FAM227B: variants seen among roughly 807,000 people sequenced by gnomAD.
FAM227B encodes family with sequence similarity 227 member B.
A neutral mutation model predicts 73.8 loss-of-function variants in FAM227B; 88 were observed. That is an observed-to-expected ratio of 1.19 (90% CI 1.00 to 1.42). The LOEUF (loss-of-function observed/expected upper bound fraction) is 1.42. Ranked by LOEUF, FAM227B falls within the 40% of genes most tolerant of loss-of-function variation. The pLI is 0.00. For synonymous variants in FAM227B, 210 were observed against 190.5 expected (o/e 1.10, Z -0.84); for missense variants, 632 against 590.9 (o/e 1.07, Z -0.72).
At chr15:49,613,988 A>G (rs2078125167) in intron 2 of FAM227B, among the ~76,000 whole-genome samples, 1 of 152,242 alleles carries the variant, frequency 6.6e-6, no homozygotes, top group African/African-American at 2.4e-5. Context: ...CAATTTGGCT[A>G]GAAGGAACTC....
chr15:49,549,879 C>T (rs2041272732), intron 9 of FAM227B, among the ~76,000 whole-genome samples: 1 of 151,938 alleles, frequency 6.6e-6, no homozygotes, highest in South Asian at 2.1e-4. Flanking sequence ...GGGCTCCTCA[C>T]TTCCCAGACG....
chr15:49,434,102 T>C (rs767697183), intron 11 of FAM227B, among the ~76,000 whole-genome samples: 1 of 151,514 alleles, frequency 6.6e-6, no homozygotes. Context: ...TTAGTGCCAG[T>C]AGCCTGATCT....
intron 11 of FAM227B, among the ~76,000 whole-genome samples, chr15:49,505,597 T>A (rs2058520607): frequency 6.6e-6 from 1 of 152,078 alleles, no homozygotes; most frequent in Non-Finnish European, 1.5e-5. Context: ...GATAGTATTT[T>A]GATAATTTAA....
intron 5 of FAM227B, among the ~76,000 whole-genome samples, chr15:49,585,270 G>A (rs2076080423): frequency 6.6e-6 from 1 of 152,208 alleles, no homozygotes; most frequent in African/African-American, 2.4e-5. Context: ...CAACCATTGT[G>A]GAAGTCAATG....
intron 10 of FAM227B, among the ~76,000 whole-genome samples, chr15:49,511,372 T>C (rs1314621106): frequency 6.6e-6 from 1 of 152,190 alleles, no homozygotes; most frequent in Non-Finnish European, 1.5e-5. Context: ...TGTCAACTTG[T>C]TCAAAACTAG....
At chr15:49,485,059 C>G (rs190965118) in intron 11 of FAM227B, 2 of 151,962 alleles carry the variant, frequency 1.3e-5, no homozygotes, top group African/African-American at 4.8e-5. Flanking sequence ...CTCAAAAAAA[C>G]TATTATGAAA....
intron 10 of FAM227B, among the ~76,000 whole-genome samples, chr15:49,533,565 A>T (rs936418256): frequency 1.3e-5 from 2 of 151,880 alleles, no homozygotes; most frequent in South Asian, 4.1e-4. Flanking sequence ...CATCTAGTGC[A>T]TATATATTTA....
chr15:49,519,969 A>C (rs1407831593), intron 10 of FAM227B, among the ~76,000 whole-genome samples: 1 of 152,050 alleles, frequency 6.6e-6, no homozygotes, highest in African/African-American at 2.4e-5. Context: ...ATATTTGTGA[A>C]TACATAAAGC....
intron 11 of FAM227B, among the ~76,000 whole-genome samples, chr15:49,378,908 T>C (rs1348256099): frequency 6.6e-6 from 1 of 152,292 alleles, no homozygotes; most frequent in Admixed American, 6.5e-5. Context: ...TTTTCCTCAC[T>C]CAATATAATA....
intron 11 of FAM227B, among the ~76,000 whole-genome samples, chr15:49,375,950 C>A: frequency 6.6e-6 from 1 of 152,044 alleles, no homozygotes; most frequent in Middle Eastern, 3.2e-3. Flanking sequence ...TCTTAACCAT[C>A]TTTGTATTAG....
chr15:49,485,589 T>G (rs548633926), intron 11 of FAM227B: 1 of 152,580 alleles, frequency 6.6e-6, no homozygotes, highest in African/African-American at 2.4e-5. Flanking sequence ...ACACTAAGTC[T>G]AGCACACAGC....
At chr15:49,478,814 T>C (rs2055611287) in intron 11 of FAM227B, among the ~76,000 whole-genome samples, 1 of 152,138 alleles carries the variant, frequency 6.6e-6, no homozygotes, top group Non-Finnish European at 1.5e-5. Flanking sequence ...TTCTGTGTAG[T>C]GAGACACTAA....
At chr15:49,577,527 C>T (rs2075531942) in intron 6 of FAM227B, 102 bp downstream of exon 6, 1 of 650,386 alleles carries the variant, frequency 1.5e-6, no homozygotes, top group Non-Finnish European at 2.6e-6. Context: ...CCTCTGGTAC[C>T]TCTCTCTATA....
intron 10 of FAM227B, among the ~76,000 whole-genome samples, chr15:49,518,628 C>A (rs2059555721): frequency 6.6e-6 from 1 of 152,058 alleles, no homozygotes; most frequent in South Asian, 2.1e-4. Context: ...TTTATAAAAC[C>A]TTCAGATCTC....
At chr15:49,538,243 C>A (rs2070547302) in intron 10 of FAM227B, among the ~76,000 whole-genome samples, 1 of 152,168 alleles carries the variant, frequency 6.6e-6, no homozygotes, top group Admixed American at 6.6e-5. Flanking sequence ...TCTGCCTCTA[C>A]CACCGCCAAG....
chr15:49,604,991 T>G (rs1409447076), intron 3 of FAM227B, among the ~76,000 whole-genome samples: 1 of 152,182 alleles, frequency 6.6e-6, no homozygotes, highest in African/African-American at 2.4e-5. Flanking sequence ...ACTAAGCTTC[T>G]TGAAGATGAT....
intron 11 of FAM227B, chr15:49,484,500 C>T (rs754859304): frequency 1.3e-6 from 2 of 1,503,566 alleles, no homozygotes; most frequent in Admixed American, 1.9e-5. Context: ...ATGGCAATAA[C>T]TTAATTGCAT....
intron 13 of FAM227B, among the ~76,000 whole-genome samples, chr15:49,359,189 A>T (rs1259513068): frequency 6.7e-6 from 1 of 148,312 alleles, no homozygotes; most frequent in Non-Finnish European, 1.5e-5. Context: ...CAAGGACTTC[A>T]TGTCTAAAAC....
chr15:49,390,696 G>A (rs966898783), intron 11 of FAM227B, among the ~76,000 whole-genome samples: 4 of 151,700 alleles, frequency 2.6e-5, no homozygotes, highest in Non-Finnish European at 1.5e-5. Flanking sequence ...GTTATTTTAT[G>A]CTGTTGTATT....
Sources: allele counts gnomAD v4.1 joint callset (sites outside exome capture counted in the v4.1 genomes callset), GRCh38; gene constraint gnomAD v4.1.1; transcripts MANE v1.5; gene names NCBI Gene and HGNC (gene_info 2026-07-23, HGNC 2026-07-21).